TENM3: variants seen among roughly 807,000 people sequenced by gnomAD.
TENM3 encodes teneurin transmembrane protein 3.
In TENM3, 63 loss-of-function variants were observed where a neutral mutation model predicts 255.1. That is an observed-to-expected ratio of 0.25 (90% confidence interval 0.20 to 0.30). The LOEUF is 0.30. Among genes scored for constraint, TENM3 ranks in the 10% least tolerant of loss-of-function variants. TENM3 has a pLI of 1.00. For synonymous variants in TENM3, 1,306 were observed against 1,322.3 expected, an observed-to-expected ratio of 0.99 and a Z score of 0.27; for missense variants, 2,929 against 3,461.1, an observed-to-expected ratio of 0.85 and a Z score of 3.86.
chr4:181,476,706 AGAATGTGCTCATAAATACGTTTC>A, the TENM3 span, among the ~76,000 whole-genome samples: 1 of 152,238 alleles, frequency 6.6e-6, no homozygotes, highest in Non-Finnish European at 1.5e-5. Flanking sequence ...ACTTTCTTAA[AGAATGTGCTCATAAATACGTTTC>A]CAATGAGCTG....
chr4:182,175,568 C>G (rs1206834643), intron 1 of TENM3, among the ~76,000 whole-genome samples: 2 of 152,036 alleles, frequency 1.3e-5, no homozygotes, highest in Admixed American at 1.3e-4. Flanking sequence ...CCTGCTTTTT[C>G]CCCTGCCAAG....
At chr4:181,735,553 TA>T in the TENM3 span, among the ~76,000 whole-genome samples, 4 of 152,180 alleles carry the variant, frequency 2.6e-5, no homozygotes, top group African/African-American at 9.7e-5. Flanking sequence ...AGAAAACCTT[TA>T]GACATATATA....
intron 1 of TENM3, among the ~76,000 whole-genome samples, chr4:182,207,968 C>T (rs559138663): frequency 2.0e-5 from 3 of 152,278 alleles, no homozygotes; most frequent in African/African-American, 7.2e-5. Flanking sequence ...CTGTAATTTA[C>T]AAGAGAATGT....
the TENM3 span, among the ~76,000 whole-genome samples, chr4:181,973,285 C>G: frequency 2.7e-4 from 41 of 152,068 alleles, no homozygotes; most frequent in East Asian, 7.1e-3. Flanking sequence ...CATCAGTGAA[C>G]AAAGGATGAA....
At chr4:182,489,827 CT>C (rs1473994351) in intron 3 of TENM3, among the ~76,000 whole-genome samples, 1 of 89,878 alleles carries the variant, frequency 1.1e-5, no homozygotes, top group African/African-American at 4.4e-5. Flanking sequence ...CCCTCCCTCC[CT>C]TCCTTTCTTC....
chr4:182,801,245 A>G lies in TENM3; in HGVS notation c.*894A>G, dbSNP rs977752557. On this transcript the variant is annotated 3_prime_UTR_variant, in exon 28 of 28. Coordinates refer to ENST00000511685, the MANE Select transcript of TENM3 (RefSeq NM_001080477.4). ...ATGCCTATAATGTCCAGAAGTGTTA[A>G]TATTTTTGTATTAGGTTGAAAAAAT... 6 of 152,582 alleles carry G rather than the reference A, an allele frequency of 3.9e-5. No homozygotes were observed. Among genetic ancestry groups the G allele is most frequent in the Non-Finnish European group, 5.9e-5 (4 of 68,030 alleles). 9.5% of individuals were successfully genotyped at this position (152,582 alleles called of 1,614,324 possible). A position where few individuals can be genotyped will look rare whatever the true frequency, so the allele number is the denominator to read the frequency against.
intron 1 of TENM3, among the ~76,000 whole-genome samples, chr4:182,304,291 C>A (rs1762010455): frequency 1.3e-5 from 2 of 152,016 alleles, no homozygotes; most frequent in African/African-American, 4.8e-5. Context: ...TGGCTTACTG[C>A]AACCTCTGCC....
At chr4:181,450,862 T>C in the TENM3 span, among the ~76,000 whole-genome samples, 4 of 152,328 alleles carry the variant, frequency 2.6e-5, no homozygotes, top group East Asian at 7.7e-4. Context: ...ATAATTGATC[T>C]GAATGATGGC....
the TENM3 span, among the ~76,000 whole-genome samples, chr4:182,135,355 T>A: frequency 6.6e-6 from 1 of 152,164 alleles, no homozygotes; most frequent in Non-Finnish European, 1.5e-5. Context: ...TCTGGTGTCA[T>A]CTTTAAGCAA....
chr4:182,670,638 C>A (rs77324133), intron 6 of TENM3, among the ~76,000 whole-genome samples: 1 of 152,126 alleles, frequency 6.6e-6, no homozygotes, highest in Non-Finnish European at 1.5e-5. Flanking sequence ...ATGCAGTAGT[C>A]CAGATGGAAA....
the TENM3 span, among the ~76,000 whole-genome samples, chr4:181,672,568 C>T: frequency 1.3e-5 from 2 of 152,258 alleles, no homozygotes; most frequent in Non-Finnish European, 2.9e-5. Flanking sequence ...AGCCCAGCTT[C>T]CTTCTCTCTC....
intron 3 of TENM3, among the ~76,000 whole-genome samples, chr4:182,544,422 C>G (rs1481916148): frequency 1.3e-5 from 2 of 149,714 alleles, no homozygotes; most frequent in South Asian, 2.1e-4. Context: ...CCTCTGCCTC[C>G]CGGGTTCAAG....
chr4:181,472,594 C>G, the TENM3 span, among the ~76,000 whole-genome samples: 2 of 149,204 alleles, frequency 1.3e-5, no homozygotes, highest in Non-Finnish European at 3.0e-5. Flanking sequence ...ATCCTCCTGA[C>G]TTGAAGGGGA....
intron 19 of TENM3, among the ~76,000 whole-genome samples, chr4:182,747,916 A>G (rs1232250839): frequency 6.6e-6 from 1 of 152,188 alleles, no homozygotes; most frequent in Admixed American, 6.5e-5. Context: ...ATATGTGAAT[A>G]TAGTTTGTTA....
the TENM3 span, among the ~76,000 whole-genome samples, chr4:181,835,817 T>A: frequency 6.6e-6 from 1 of 152,212 alleles, no homozygotes. Context: ...CTACAAGTTA[T>A]CTTATTCAGT....
chr4:182,036,198 A>AT, the TENM3 span, among the ~76,000 whole-genome samples: 503 of 149,630 alleles, frequency 3.4e-3, no homozygotes, highest in Non-Finnish European at 5.2e-3. Context: ...TGATAATCTG[A>AT]TTTTTTTTTT....
At chr4:181,554,359 C>G in the TENM3 span, among the ~76,000 whole-genome samples, 2 of 152,280 alleles carry the variant, frequency 1.3e-5, no homozygotes, top group East Asian at 3.9e-4. Flanking sequence ...AAAGAATAAG[C>G]ATGCTTCCTG....
the TENM3 span, among the ~76,000 whole-genome samples, chr4:181,991,882 G>T: frequency 6.6e-6 from 1 of 151,936 alleles, no homozygotes; most frequent in African/African-American, 2.4e-5. Flanking sequence ...ATTAACTTTT[G>T]TAGACTACTA....
At position 182,775,239 on chromosome 4, in the gene TENM3, C is replaced by T. The variant is rs1764589034; in HGVS notation, c.5304+86C>T. ...GAGGGCAGGTTGCGTCTCCTGCTCACCCCCCTATGTCTACACTGAGTATGA... is the reference window on the plus strand; with the variant it reads ...GAGGGCAGGTTGCGTCTCCTGCTCATCCCCCTATGTCTACACTGAGTATGA... On this transcript the variant is annotated intron_variant, in intron 24 of 27. Transcript: ENST00000511685. 2.1e-5 allele frequency: 24 copies of T among 1,165,176 alleles called. No homozygotes were observed. The South Asian group carries it at 3.3e-4, about 16-fold the overall frequency. The allele number at this position is 1,165,176 out of a possible 1,614,324, so 72.2% of individuals were successfully genotyped here.
Sources: allele counts gnomAD v4.1 joint callset (sites outside exome capture counted in the v4.1 genomes callset), GRCh38; gene constraint gnomAD v4.1.1; transcripts MANE v1.5; gene names NCBI Gene and HGNC (gene_info 2026-07-23, HGNC 2026-07-21).